NCKAP5: variants seen among roughly 807,000 people sequenced by gnomAD.
NCKAP5 encodes NCK associated protein 5, also known as nck-associated protein 5.
A neutral mutation model predicts 167.0 loss-of-function variants in NCKAP5; 92 were observed. The ratio of observed to expected loss-of-function variants is 0.55; its 90% CI spans 0.47 to 0.66. The LOEUF is 0.66. Among genes scored for constraint, NCKAP5 ranks in the 30% least tolerant of loss-of-function variants. The pLI, the probability that NCKAP5 is intolerant of heterozygous loss-of-function variation, is 0.00. For synonymous variants in NCKAP5, 891 were observed against 877.4 expected (o/e 1.02, Z -0.27); for missense variants, 2,378 against 2,315.0 (o/e 1.03, Z -0.56).
At chr2:133,158,317 A>C (rs189482012) in intron 5 of NCKAP5, among the ~76,000 whole-genome samples, 1 of 152,284 alleles carries the variant, frequency 6.6e-6, no homozygotes, top group East Asian at 1.9e-4. Flanking sequence ...GCCTGCAGAT[A>C]ATTTTTTCTG....
chr2:133,028,759 T>C (rs1379633191), intron 6 of NCKAP5, among the ~76,000 whole-genome samples: 1 of 152,162 alleles, frequency 6.6e-6, no homozygotes, highest in African/African-American at 2.4e-5. Context: ...ATGTTGGAGG[T>C]AGGGCCTGGT....
chr2:133,337,340 T>C (rs1354464531), intron 3 of NCKAP5, among the ~76,000 whole-genome samples: 23 of 152,166 alleles, frequency 1.5e-4, no homozygotes, highest in Admixed American at 1.5e-3. Flanking sequence ...CAACTTGAGA[T>C]GCAGGCTTAA....
At chr2:132,803,710 T>C (rs1353035675) in intron 11 of NCKAP5, among the ~76,000 whole-genome samples, 1 of 152,178 alleles carries the variant, frequency 6.6e-6, no homozygotes, top group East Asian at 1.9e-4. Flanking sequence ...ACAGCAGACC[T>C]TGCCCTAAAG....
intron 10 of NCKAP5, among the ~76,000 whole-genome samples, chr2:132,867,166 A>C (rs1373132420): frequency 2.0e-5 from 3 of 150,970 alleles, no homozygotes; most frequent in Admixed American, 6.6e-5. Flanking sequence ...TTTCCTTTTT[A>C]TCGTACCAAA....
At chr2:133,646,056 G>T in the NCKAP5 span, among the ~76,000 whole-genome samples, 1 of 151,874 alleles carries the variant, frequency 6.6e-6, no homozygotes, top group African/African-American at 2.4e-5. Context: ...GTTGCTCTAT[G>T]TGTGTCTATG....
At chr2:133,460,530 T>G (rs1692137817) in intron 3 of NCKAP5, among the ~76,000 whole-genome samples, 1 of 152,196 alleles carries the variant, frequency 6.6e-6, no homozygotes, top group African/African-American at 2.4e-5. Context: ...AAATTTAATC[T>G]ACACTTCTGA....
intron 4 of NCKAP5, among the ~76,000 whole-genome samples, chr2:133,300,160 C>A (rs1276235101): frequency 8.2e-6 from 1 of 121,380 alleles, no homozygotes; most frequent in East Asian, 2.3e-4. Flanking sequence ...AAAAAGAGTC[C>A]AGGACCAGAT....
intron 16 of NCKAP5, among the ~76,000 whole-genome samples, chr2:132,762,863 C>G (rs1681129073): frequency 6.6e-6 from 1 of 152,206 alleles, no homozygotes; most frequent in Admixed American, 6.5e-5. Flanking sequence ...TGTATCATAA[C>G]AAACCACTGG....
rs184090727 is a variant in NCKAP5, at chr2:132,863,035, T to C, written c.688-2424A>G. 5.3e-5 allele frequency among the ~76,000 whole-genome samples: 8 copies of C among 152,194 alleles called. No homozygotes were observed. In the East Asian group the frequency reaches 1.6e-3, roughly 30 times the overall value. The stretch of plus-strand genomic sequence containing the variant: ...CAGGGTTTCACCATATTGGCCAGGC[T>C]GGTCTCGAACTCCTGATCTCGTGAT... On this transcript the variant is annotated intron_variant, in intron 10 of 19. Transcript: ENST00000409261.
chr2:133,574,031 C>G, the NCKAP5 span, among the ~76,000 whole-genome samples: 1 of 152,124 alleles, frequency 6.6e-6, no homozygotes, highest in Non-Finnish European at 1.5e-5. Flanking sequence ...TTTGTGTGCC[C>G]CGATTGTCTA....
chr2:133,060,570 C>T (rs1666127178), intron 6 of NCKAP5, among the ~76,000 whole-genome samples: 1 of 152,208 alleles, frequency 6.6e-6, no homozygotes, highest in Non-Finnish European at 1.5e-5. Flanking sequence ...CTGAAATCCA[C>T]TTCACTGCCA....
At chr2:132,951,509 G>A (rs771092436) in intron 8 of NCKAP5, among the ~76,000 whole-genome samples, 2 of 152,118 alleles carry the variant, frequency 1.3e-5, no homozygotes, top group Non-Finnish European at 2.9e-5. Flanking sequence ...CACTGCTTTG[G>A]TTATAAAGTA....
At chr2:133,295,673 A>C (rs1679909088) in intron 4 of NCKAP5, among the ~76,000 whole-genome samples, 1 of 152,152 alleles carries the variant, frequency 6.6e-6, no homozygotes, top group African/African-American at 2.4e-5. Flanking sequence ...GTCACAACTG[A>C]GGGATACTAC....
At chr2:133,115,820 G>GTT (rs1433042920) in intron 6 of NCKAP5, among the ~76,000 whole-genome samples, 2 of 56,230 alleles carry the variant, frequency 3.6e-5, no homozygotes, top group Non-Finnish European at 6.5e-5. Context: ...TATATATAGT[G>GTT]TTCACACACA....
In NCKAP5 at chr2:133,468,971, C is replaced by CCGTCTGTGTGTCTTG. The variant is rs1351481613; in HGVS notation, c.69+48486_69+48487insCAAGACACACAGACG. Among the ~76,000 whole-genome samples, 7 of 152,162 alleles carry CCGTCTGTGTGTCTTG rather than the reference C, an allele frequency of 4.6e-5. No homozygotes were observed. In the East Asian group the frequency reaches 5.8e-4, roughly 13 times the overall value. On this transcript the variant is annotated intron_variant, in intron 3 of 19. Transcript: ENST00000409261. ...GGTCTTGACTCTTGATCCAATTTGC[C>CCGTCTGTGTGTCTTG]AGTCTGTGTCTTTTAATTGGAGCAT...
intron 5 of NCKAP5, among the ~76,000 whole-genome samples, chr2:133,141,229 C>A (rs1476103309): frequency 6.6e-6 from 1 of 152,150 alleles, no homozygotes; most frequent in African/African-American, 2.4e-5. Flanking sequence ...ATCCCAACTT[C>A]ATATTCACAT....
chr2:133,181,414 G>A (rs1216896031), intron 5 of NCKAP5, among the ~76,000 whole-genome samples: 4 of 151,662 alleles, frequency 2.6e-5, no homozygotes, highest in Admixed American at 6.6e-5. Context: ...AATGAAAAAC[G>A]GAGGGAAAAA....
chr2:133,136,326 T>G (rs1431202439), intron 5 of NCKAP5, among the ~76,000 whole-genome samples: 7 of 152,122 alleles, frequency 4.6e-5, no homozygotes. Flanking sequence ...ACTGCCAGAG[T>G]TAAAGACAAT....
At chr2:133,160,439 C>CTTTTTCTTTCT (rs2083748714) in intron 5 of NCKAP5, among the ~76,000 whole-genome samples, 1 of 49,804 alleles carries the variant, frequency 2.0e-5, no homozygotes, top group African/African-American at 7.6e-5. Flanking sequence ...CTTTCTTTTT[C>CTTTTTCTTTCT]TTTTTTTTTT....
Sources: allele counts gnomAD v4.1 joint callset (sites outside exome capture counted in the v4.1 genomes callset), GRCh38; gene constraint gnomAD v4.1.1; transcripts MANE v1.5; gene names NCBI Gene and HGNC (gene_info 2026-07-23, HGNC 2026-07-21).